DERA: variants seen among roughly 807,000 people sequenced by gnomAD.
The protein encoded by DERA is 2-deoxy-D-ribose 5-phosphate aldolase.
Under a neutral mutation model 41.1 loss-of-function variants are expected in DERA, and 15 were observed. The ratio of observed to expected loss-of-function variants is 0.37; its 90% CI spans 0.24 to 0.56. The LOEUF (loss-of-function observed/expected upper bound fraction) is 0.56, where lower values mean the gene tolerates loss of function less well. Ranked by LOEUF, DERA falls within the 20% of genes least tolerant of loss-of-function variation. The pLI is 0.81. For synonymous variants in DERA, 139 were observed against 137.4 expected (o/e 1.01, Z -0.08); for missense variants, 396 against 403.4 (o/e 0.98, Z 0.16).
chr12:15,939,344 A>G (rs1349723260), intron 1 of DERA, among the ~76,000 whole-genome samples: 1 of 152,228 alleles, frequency 6.6e-6, no homozygotes, highest in Non-Finnish European at 1.5e-5. Flanking sequence ...TCAACCTGTC[A>G]GGAGAAATAG....
rs73059203 is a variant in DERA, at chr12:15,988,134, A to C, written c.637+5698A>C. Among the ~76,000 whole-genome samples the C allele has an allele frequency of 0.068, 10,347 of 152,238 alleles. 413 individuals are homozygous for C. The highest frequency in any genetic ancestry group is 0.11 in the African/African-American group (4,735 of 41,542). ...AGAGCCCCAAAGAGGGTGTTACAGC[A>C]TGTCACAGGCCTAGCTGGGGGAGCC... On this transcript the variant is annotated intron_variant, in intron 6 of 8. Coordinates refer to ENST00000428559, the MANE Select transcript of DERA (RefSeq NM_015954.4). The surrounding 1 kb of genome is among the most constrained non-coding windows in gnomAD (Gnocchi z 6.0).
intron 1 of DERA, among the ~76,000 whole-genome samples, chr12:15,912,217 C>T (rs1591994264): frequency 6.6e-6 from 1 of 151,930 alleles, no homozygotes; most frequent in East Asian, 1.9e-4. Context: ...GTGGTGATGA[C>T]TCTTAACGAG....
intron 1 of DERA, among the ~76,000 whole-genome samples, chr12:15,952,520 A>C (rs1948506091): frequency 6.6e-6 from 1 of 152,218 alleles, no homozygotes; most frequent in Non-Finnish European, 1.5e-5. Flanking sequence ...TTAAATTTTC[A>C]AGTGTACACA....
At chr12:15,916,777 T>A (rs978856723) in intron 1 of DERA, among the ~76,000 whole-genome samples, 2 of 152,116 alleles carry the variant, frequency 1.3e-5, no homozygotes, top group Non-Finnish European at 2.9e-5. Flanking sequence ...TGTATTCTTT[T>A]AAAAAATGTT....
Position 16,011,176 on chromosome 12 carries a change from T to C in DERA, c.638-21366T>C, listed in dbSNP as rs186148264. Among the ~76,000 whole-genome samples, 11 of 152,330 alleles carry C rather than the reference T, an allele frequency of 7.2e-5. No individual in the cohort carries two copies. In the East Asian group the frequency reaches 1.9e-3, roughly 27 times the overall value. On this transcript the variant is annotated intron_variant, in intron 6 of 8. Transcript: ENST00000428559. This position sits in a 1 kb window ranked among gnomAD's most constrained non-coding sequence, Gnocchi z 4.7. ...ATACTATATATTCCAAACTTGCTAG[T>C]GACAGTAGAAAGCACAATCAAAAGG...
At chr12:15,952,869 C>G (rs1303758328) in intron 1 of DERA, among the ~76,000 whole-genome samples, 1 of 152,232 alleles carries the variant, frequency 6.6e-6, no homozygotes, top group Non-Finnish European at 1.5e-5. Context: ...AGCCAACCTG[C>G]TTTTGCTTCT....
At position 15,982,375 on chromosome 12, in the gene DERA, G is replaced by A. The variant is rs376916329; in HGVS notation, c.576G>A (p.Ala192=). ...AGGCTCATCTTAAAACTATATTAGC[G>A]ACAGGAGAACTTGGAACTCTTACTA... ...CGEAHLKTIL[A]TGELGTLTNV... is the part of the protein sequence containing the mutation. Residue 192 remains alanine, a synonymous_variant, in exon 6 of 9, where the codon GCG becomes GCA. Coordinates refer to ENST00000428559, the MANE Select transcript of DERA (RefSeq NM_015954.4). This position sits in a 1 kb window ranked among gnomAD's most constrained non-coding sequence, Gnocchi z 4.0. The A allele has an allele frequency of 2.7e-5, 43 of 1,613,776 alleles. No homozygotes were observed. Among genetic ancestry groups the A allele is most frequent in the South Asian group, 1.5e-4 (14 of 91,050 alleles).
At position 15,988,554 on chromosome 12, in the gene DERA, G is replaced by T. The variant is rs1948780700; in HGVS notation, c.637+6118G>T. Among the ~76,000 whole-genome samples, 2 of 152,164 alleles carry T rather than the reference G, an allele frequency of 1.3e-5. No individual in the cohort carries two copies. Among genetic ancestry groups the T allele is most frequent in the African/African-American group, 4.8e-5 (2 of 41,436 alleles). On this transcript the variant is annotated intron_variant, in intron 6 of 8. Coordinates refer to ENST00000428559, the MANE Select transcript of DERA (RefSeq NM_015954.4). This position sits in a 1 kb window ranked among gnomAD's most constrained non-coding sequence, Gnocchi z 6.0. ...AGGTTTTTATATGCTCAGAATGAAG[G>T]AAGTGCATGCTGATTGGTCCATGGG...
intron 1 of DERA, among the ~76,000 whole-genome samples, chr12:15,947,584 T>A (rs1948460721): frequency 1.3e-5 from 2 of 152,212 alleles, no homozygotes; most frequent in African/African-American, 4.8e-5. Flanking sequence ...CATCCCTTTA[T>A]TTTCATCCTA....
chr12:15,948,309 G>A (rs1401315487), intron 1 of DERA, among the ~76,000 whole-genome samples: 2 of 152,124 alleles, frequency 1.3e-5, no homozygotes, highest in Admixed American at 6.5e-5. Flanking sequence ...TTCCAACTTG[G>A]TTCCATTCTC....
rs76831593 is a variant in DERA, at chr12:16,024,497, G to C, written c.638-8045G>C. Among the ~76,000 whole-genome samples, 23 of 152,174 alleles carry C rather than the reference G, an allele frequency of 1.5e-4. No homozygotes were observed. In the East Asian group the frequency reaches 3.9e-3, roughly 26 times the overall value. ...CAGCGTGGAGTGAAATACTTAGAAG[G>C]GTTTAAAGAAAAAAGCAAAAACAAA... On this transcript the variant is annotated intron_variant, in intron 6 of 8. Transcript: ENST00000428559.
At position 15,999,111 on chromosome 12, in the gene DERA, C is replaced by A. The variant is rs530210580; in HGVS notation, c.637+16675C>A. 6.6e-6 allele frequency among the ~76,000 whole-genome samples: 1 copy of A among 152,150 alleles called. No homozygotes were observed. Among genetic ancestry groups the A allele is most frequent in the African/African-American group, 2.4e-5 (1 of 41,508 alleles). On this transcript the variant is annotated intron_variant, in intron 6 of 8. Coordinates refer to ENST00000428559, the MANE Select transcript of DERA (RefSeq NM_015954.4). The surrounding 1 kb of genome is among the most constrained non-coding windows in gnomAD (Gnocchi z 5.3). ...ATGAGGGATGGAGGGTTGGTGAGGG[C>A]TGGAGGGAAGACTGAGGCACTGTGG... is the stretch of plus-strand genomic sequence containing the variant.
rs28634480 is a variant in DERA, at chr12:15,936,916, C to T, written c.32-20020C>T. 0.03 allele frequency among the ~76,000 whole-genome samples: 4,240 copies of T among 140,450 alleles called. 112 individuals carry two copies. The highest frequency in any genetic ancestry group is 0.057 in the Middle Eastern group (16 of 282). The allele number at this position is 140,450 out of a possible 152,430, so 92.1% of individuals were successfully genotyped here. On this transcript the variant is annotated intron_variant, in intron 1 of 8. Coordinates refer to ENST00000428559, the MANE Select transcript of DERA (RefSeq NM_015954.4). The surrounding 1 kb of genome is among the most constrained non-coding windows in gnomAD (Gnocchi z 4.6). ...CTGTCCTGTCCTGTCCTGTCCTGTC[C>T]TGTCCTGTCCTGTCCTGTCTTGTCC... is the stretch of plus-strand genomic sequence containing the variant.
chr12:16,023,350 C>T (rs999371527), intron 6 of DERA, among the ~76,000 whole-genome samples: 4 of 152,102 alleles, frequency 2.6e-5, no homozygotes, highest in Admixed American at 1.3e-4. Flanking sequence ...AACTCCTTGC[C>T]CGATTAACAT....
Position 15,982,436 on chromosome 12 carries a change from G to A in DERA, c.637G>A (p.Gly213Arg). The A allele has an allele frequency of 6.2e-7, 1 of 1,600,506 alleles. No homozygotes were observed. Among genetic ancestry groups the A allele is most frequent in the Middle Eastern group, 1.7e-4 (1 of 5,984 alleles). Residue 213 changes from glycine to arginine, a missense_variant and splice_region_variant, in exon 6 of 9, where the codon GGA becomes AGA. Coordinates refer to ENST00000428559, the MANE Select transcript of DERA (RefSeq NM_015954.4). This position sits in a 1 kb window ranked among gnomAD's most constrained non-coding sequence, Gnocchi z 4.0. ...AGCCAGTATGATAGCAATGATGGCA[G>A]GTAAGTGTTTTATGTTCAAATAATG... is the stretch of plus-strand genomic sequence containing the variant. Reference protein sequence around the residue: ...YKASMIAMMAGSDFIKTSTGK... With the variant: ...YKASMIAMMARSDFIKTSTGK...
In DERA at chr12:16,009,534, T is replaced by A. The variant is rs190028235; in HGVS notation, c.638-23008T>A. Among the ~76,000 whole-genome samples the A allele has an allele frequency of 1.2e-3, 187 of 152,350 alleles. 1 individual carries two copies. The highest frequency in any genetic ancestry group is 6.8e-3 in the Middle Eastern group (2 of 294). ...CAAATAAACAGATCTCCAGCATATG[T>A]TGACACTGTTCACTGTCTCTAACCC... On this transcript the variant is annotated intron_variant, in intron 6 of 8. Transcript: ENST00000428559. This position sits in a 1 kb window ranked among gnomAD's most constrained non-coding sequence, Gnocchi z 5.3.
intron 6 of DERA, among the ~76,000 whole-genome samples, chr12:15,997,636 T>C (rs573312998): frequency 2.6e-5 from 4 of 151,588 alleles, no homozygotes; most frequent in Admixed American, 6.5e-5. Context: ...CAGGGAAATA[T>C]AGCATGGAAC....
chr12:15,997,716 G>A (rs1186563201), intron 6 of DERA, among the ~76,000 whole-genome samples: 1 of 152,092 alleles, frequency 6.6e-6, no homozygotes, highest in Non-Finnish European at 1.5e-5. Context: ...TATATGTAAC[G>A]TTTAGTCTGC....
intron 1 of DERA, among the ~76,000 whole-genome samples, chr12:15,949,761 A>G (rs1230733827): frequency 6.6e-6 from 1 of 152,174 alleles, no homozygotes; most frequent in Non-Finnish European, 1.5e-5. Flanking sequence ...TCAGTTGGAA[A>G]TGCAGAAATC....
Sources: gnomAD v4.1 joint callset for allele counts (sites outside exome capture counted in the v4.1 genomes callset) on GRCh38, gnomAD v4.1.1 for gene constraint, Gnocchi (gnomAD v3.1) non-coding constraint, MANE v1.5 for transcripts, NCBI Gene and HGNC (gene_info 2026-07-23, HGNC 2026-07-21) for gene names.